TOGARAM1: variants seen among roughly 807,000 people sequenced by gnomAD.
TOGARAM1 encodes TOG array regulator of axonemal microtubules 1.
TOGARAM1 carries 100 observed loss-of-function variants against 166.6 expected under a neutral mutation model. The observed-to-expected ratio is 0.60, with a 90% CI of 0.51 to 0.71. The LOEUF is 0.71. Ranked by LOEUF, TOGARAM1 falls within the 30% of genes least tolerant of loss-of-function variation. The pLI is 0.00. For missense variants in TOGARAM1, 2,029 were observed against 2,102.7 expected, an observed-to-expected ratio of 0.96 and a Z score of 0.69; for synonymous variants, 758 against 763.8, an observed-to-expected ratio of 0.99 and a Z score of 0.13.
intron 6 of TOGARAM1, among the ~76,000 whole-genome samples, chr14:45,010,018 C>T (rs1041941167): frequency 1.3e-5 from 2 of 152,180 alleles, no homozygotes; most frequent in Non-Finnish European, 1.5e-5. Context: ...TTCTTGCTAA[C>T]ATTTGGTGGT....
intron 1 of TOGARAM1, chr14:44,995,528 T>G (rs1887369907): frequency 1.8e-6 from 1 of 546,552 alleles, no homozygotes; most frequent in Non-Finnish European, 3.5e-6. Flanking sequence ...AGGGTTGGGG[T>G]GAAGTAGTAA....
At chr14:45,048,398 T>C (rs901653194) in intron 14 of TOGARAM1, among the ~76,000 whole-genome samples, 4 of 152,148 alleles carry the variant, frequency 2.6e-5, no homozygotes, top group African/African-American at 9.7e-5. Context: ...ATAAAATGTT[T>C]ATTATTTTAA....
At chr14:44,985,168 C>CA (rs929485475) in intron 1 of TOGARAM1, among the ~76,000 whole-genome samples, 4 of 152,118 alleles carry the variant, frequency 2.6e-5, no homozygotes, top group African/African-American at 9.7e-5. Flanking sequence ...GGTGGACCAC[C>CA]ACGCCTGGCT....
In TOGARAM1 at chr14:44,963,423, C is replaced by G; in HGVS notation, c.1002C>G (p.Pro334=). 6.2e-7 allele frequency: 1 copy of G among 1,614,170 alleles called. No individual in the cohort carries two copies. Among genetic ancestry groups the G allele is most frequent in the Non-Finnish European group, 8.5e-7 (1 of 1,180,034 alleles). Residue 334 remains proline, a synonymous_variant, in exon 1 of 20, where the codon CCC becomes CCG. Coordinates refer to ENST00000361462, the MANE Select transcript of TOGARAM1 (RefSeq NM_001308120.2). The part of the protein sequence containing the change: ...ELEASGFPED[P]LPCAVTLSNS... ...AAGCCTCTGGATTTCCTGAAGATCC[C>G]CTTCCCTGTGCAGTGACTCTTTCCA... is the stretch of plus-strand genomic sequence containing the variant.
At chr14:44,988,326 T>C (rs1243979064) in intron 1 of TOGARAM1, among the ~76,000 whole-genome samples, 3 of 152,200 alleles carry the variant, frequency 2.0e-5, no homozygotes, top group Admixed American at 6.5e-5. Flanking sequence ...TAATATGATG[T>C]TTATGAGCCA....
In TOGARAM1 at chr14:44,962,474, C is replaced by T. The variant is rs770033913; in HGVS notation, c.53C>T (p.Ser18Phe). ...CTGCTGCCGCCCTTTCCAGTCCTCT[C>T]TACCTATCGGCTCCAGAGCCGCAGT... Reference protein sequence around the residue: ...LLLLPPFPVLSTYRLQSRSRP... With the variant: ...LLLLPPFPVLFTYRLQSRSRP... Residue 18 changes from serine (S) to phenylalanine (F), a missense_variant, in exon 1 of 20, where the codon TCT becomes TTT. Ser to Phe is a radical substitution (Grantham distance 155, BLOSUM62 -2). Coordinates refer to ENST00000361462, the MANE Select transcript of TOGARAM1 (RefSeq NM_001308120.2). 1.1e-5 allele frequency: 17 copies of T among 1,606,498 alleles called. No individual in the cohort carries two copies. Among genetic ancestry groups the T allele is most frequent in the Non-Finnish European group, 1.4e-5 (16 of 1,176,906 alleles).
At chr14:44,969,097 ATTTC>A (rs1179047393) in intron 1 of TOGARAM1, among the ~76,000 whole-genome samples, 7 of 140,540 alleles carry the variant, frequency 5.0e-5, no homozygotes, top group South Asian at 2.2e-4. Flanking sequence ...TTGATACCTC[ATTTC>A]TTTCTTTCTT....
At chr14:44,986,732 C>T (rs1247082398) in intron 1 of TOGARAM1, among the ~76,000 whole-genome samples, 2 of 151,320 alleles carry the variant, frequency 1.3e-5, no homozygotes, top group Admixed American at 6.6e-5. Flanking sequence ...GTTGGCTGGG[C>T]GCGGTGGCTC....
chr14:45,019,714 G>T (rs1452547149), intron 7 of TOGARAM1, among the ~76,000 whole-genome samples: 1 of 152,182 alleles, frequency 6.6e-6, no homozygotes, highest in African/African-American at 2.4e-5. Flanking sequence ...TGTGAGCTAA[G>T]TTGCAAGCCC....
intron 10 of TOGARAM1, among the ~76,000 whole-genome samples, chr14:45,030,876 C>G (rs1459520824): frequency 1.3e-5 from 2 of 152,084 alleles, no homozygotes; most frequent in South Asian, 4.1e-4. Flanking sequence ...TTCTTAGTCT[C>G]TGTAAAATGC....
intron 1 of TOGARAM1, among the ~76,000 whole-genome samples, chr14:44,967,434 G>A (rs887559204): frequency 3.3e-5 from 5 of 152,098 alleles, no homozygotes; most frequent in African/African-American, 9.7e-5. Context: ...TTTCGTTACA[G>A]TTCTTTTTGT....
chr14:45,041,058 TA>T, intron 11 of TOGARAM1, among the ~76,000 whole-genome samples: 1 of 145,650 alleles, frequency 6.9e-6, no homozygotes, highest in East Asian at 2.1e-4. Flanking sequence ...ATAATAATAA[TA>T]ACTTGTATAA....
intron 1 of TOGARAM1, among the ~76,000 whole-genome samples, chr14:44,964,835 A>G (rs1325902715): frequency 3.3e-5 from 5 of 151,762 alleles, no homozygotes; most frequent in African/African-American, 7.3e-5. Context: ...CACACAGTAT[A>G]GGAAAAAGGT....
chr14:44,989,697 G>C (rs1887028234), intron 1 of TOGARAM1, among the ~76,000 whole-genome samples: 1 of 152,098 alleles, frequency 6.6e-6, no homozygotes, highest in African/African-American at 2.4e-5. Flanking sequence ...GCCTCTGCCT[G>C]TTACCCAGTT....
chr14:45,000,250 C>T (rs1185612420), intron 3 of TOGARAM1, among the ~76,000 whole-genome samples: 1 of 152,130 alleles, frequency 6.6e-6, no homozygotes, highest in Non-Finnish European at 1.5e-5. Context: ...CCACCTGCCT[C>T]GGCCTCCCAA....
intron 1 of TOGARAM1, among the ~76,000 whole-genome samples, chr14:44,988,471 CATAG>C (rs1268182429): frequency 1.3e-5 from 2 of 152,052 alleles, no homozygotes; most frequent in Non-Finnish European, 2.9e-5. Context: ...TTTTTTATAA[CATAG>C]ATAATCTAAT....
rs142798348 is a variant in TOGARAM1, at chr14:45,011,599, G to A, written c.3138-376G>A. Among the ~76,000 whole-genome samples, 1,110 of 152,214 alleles carry A rather than the reference G, an allele frequency of 7.3e-3. 5 individuals are homozygous for A. The highest frequency in any genetic ancestry group is 0.024 in the Middle Eastern group (7 of 294). On this transcript the variant is annotated intron_variant, in intron 6 of 19. Coordinates refer to ENST00000361462, the MANE Select transcript of TOGARAM1 (RefSeq NM_001308120.2). ...CAAAATGCTAGGATTACAGGCATGA[G>A]TCACCACACTTGGCCTTGATTTGGT...
intron 11 of TOGARAM1, among the ~76,000 whole-genome samples, chr14:45,039,642 G>A (rs760880478): frequency 4.6e-4 from 70 of 152,166 alleles, no homozygotes; most frequent in Non-Finnish European, 5.1e-4. Flanking sequence ...TCCAGGATCA[G>A]CCACAACTTT....
intron 11 of TOGARAM1, among the ~76,000 whole-genome samples, chr14:45,037,024 C>G (rs898966274): frequency 1.3e-5 from 2 of 152,164 alleles, no homozygotes; most frequent in African/African-American, 4.8e-5. Context: ...TATTCACTAT[C>G]ATGAGAATAG....
Sources: gnomAD v4.1 joint callset for allele counts (sites outside exome capture counted in the v4.1 genomes callset) on GRCh38, gnomAD v4.1.1 for gene constraint, MANE v1.5 for transcripts, NCBI Gene and HGNC (gene_info 2026-07-23, HGNC 2026-07-21) for gene names.